The following GPD1L variants were observed in gnomAD, a reference collection of about 807,000 sequenced individuals.
The protein encoded by GPD1L is glycerol-3-phosphate dehydrogenase 1-like protein.
In GPD1L, 17 loss-of-function variants were observed where a neutral mutation model predicts 32.9. The observed-to-expected ratio is 0.52, with a 90% CI of 0.35 to 0.78. The LOEUF (loss-of-function observed/expected upper bound fraction) is 0.78, where lower values mean the gene tolerates loss of function less well. GPD1L is among the 30% of genes least tolerant of loss of function. The probability of loss-of-function intolerance (pLI) is 0.01; values close to 1 mark genes in which losing one functional copy is unlikely to be tolerated. For missense variants in GPD1L, 361 were observed against 447.8 expected (o/e 0.81, Z 1.75); for synonymous variants, 187 against 165.9 (o/e 1.13, Z -0.98).
rs558580448 is a variant in GPD1L, at chr3:32,134,778, G to A, written c.226-3809G>A. On this transcript the variant is annotated intron_variant, in intron 2 of 7. Transcript: ENST00000282541. ...TGTTGGGATTATGGCATGAGCCACT[G>A]AGCCTGGCTGGGGATGTATTTTAGC... Among the ~76,000 whole-genome samples, 22 of 152,314 alleles carry A rather than the reference G, an allele frequency of 1.4e-4. No homozygotes were observed. The South Asian group carries it at 4.3e-3, about 30-fold the overall frequency.
At chr3:32,140,566 A>G (rs574927410) in intron 4 of GPD1L, among the ~76,000 whole-genome samples, 200 bp downstream of exon 4, 1 of 152,252 alleles carries the variant, frequency 6.6e-6, no homozygotes, top group East Asian at 1.9e-4. Context: ...TCCAGAATGA[A>G]TATAAATGAA....
At chr3:32,137,678 TTGCCAGAGACCATG>T (rs1188414576) in intron 2 of GPD1L, among the ~76,000 whole-genome samples, 1 of 152,198 alleles carries the variant, frequency 6.6e-6, no homozygotes. Context: ...CAAGAAGCCT[TTGCCAGAGACCATG>T]TGCCCTGGAG....
Position 32,168,110 on chromosome 3 carries a change from C to T in GPD1L, c.*2200C>T, listed in dbSNP as rs1443935988. Reference sequence around the variant, plus strand: ...CAGCTTCTTACTCTGGGTTTGTACTCGAGTGTTATTTCTTTACAAATGCCC... The same window carrying T: ...CAGCTTCTTACTCTGGGTTTGTACTTGAGTGTTATTTCTTTACAAATGCCC... On this transcript the variant is annotated 3_prime_UTR_variant, in exon 8 of 8. Transcript: ENST00000282541. 6.6e-6 allele frequency: 1 copy of T among 152,158 alleles called. No homozygotes were observed. Among genetic ancestry groups the T allele is most frequent in the African/African-American group, 2.4e-5 (1 of 41,450 alleles). 9.4% of individuals were successfully genotyped at this position (152,158 alleles called of 1,614,324 possible). A position where few individuals can be genotyped will look rare whatever the true frequency, so the allele number is the denominator to read the frequency against.
rs116317482 is a variant in GPD1L, at chr3:32,135,879, C to T, written c.226-2708C>T. The stretch of plus-strand genomic sequence containing the variant: ...ATAAATCTTCACCACTTGTGGACTA[C>T]CTAGCCTAGATTACCAATCTGGAGA... On this transcript the variant is annotated intron_variant, in intron 2 of 7. Coordinates refer to ENST00000282541, the MANE Select transcript of GPD1L (RefSeq NM_015141.4). Among the ~76,000 whole-genome samples the T allele has an allele frequency of 1.0e-3, 158 of 152,240 alleles. 2 individuals carry two copies. The highest frequency in any genetic ancestry group is 6.8e-3 in the Middle Eastern group (2 of 294).
At chr3:32,145,841 CAGAGTAGACTG>C (rs1700812490) in intron 4 of GPD1L, among the ~76,000 whole-genome samples, 1 of 152,186 alleles carries the variant, frequency 6.6e-6, no homozygotes, top group Non-Finnish European at 1.5e-5. Context: ...AGTAATGCTA[CAGAGTAGACTG>C]TGTTTCTAAG....
Position 32,166,252 on chromosome 3 carries a change from G to T in GPD1L, c.*342G>T. On this transcript the variant is annotated 3_prime_UTR_variant, in exon 8 of 8. Transcript: ENST00000282541. The stretch of plus-strand genomic sequence containing the variant: ...GAACGATCTCAGCCAAATATTTTAG[G>T]TGTAATTCATATGTATTTGAGTGGA... The T allele has an allele frequency of 2.9e-6, 1 of 344,900 alleles. No homozygotes were observed. The highest frequency in any genetic ancestry group is 5.5e-6 in the Non-Finnish European group (1 of 181,924). 21.4% of individuals were successfully genotyped at this position (344,900 alleles called of 1,614,324 possible).
chr3:32,149,705 G>A (rs1254797200), intron 5 of GPD1L, among the ~76,000 whole-genome samples: 1 of 152,146 alleles, frequency 6.6e-6, no homozygotes, highest in African/African-American at 2.4e-5. Context: ...CCCAGCACTT[G>A]TGGAGGCCAA....
chr3:32,165,738 G>A (rs1701137424), intron 7 of GPD1L, 76 bp from the exon 8 acceptor site: 2 of 791,938 alleles, frequency 2.5e-6, no homozygotes, highest in Admixed American at 3.6e-5. Context: ...CAATCTGTTA[G>A]GACAGAAAAC....
At chr3:32,158,766 G>A (rs1701032287) in intron 5 of GPD1L, 110 bp from the exon 6 acceptor site, 1 of 1,542,722 alleles carries the variant, frequency 6.5e-7, no homozygotes, top group Non-Finnish European at 8.7e-7. Context: ...TTTTGAAGAT[G>A]GAGCCAATGT....
At chr3:32,147,756 C>T (rs10049223) in intron 5 of GPD1L, among the ~76,000 whole-genome samples, 81,087 of 152,120 alleles carry the variant, frequency 0.53, 24,911 homozygotes, top group East Asian at 0.89. Flanking sequence ...CCACCAGTCA[C>T]CTGTCTTTAT....
rs770682690 is a variant in GPD1L, at chr3:32,168,187, GA to G, written c.*2278del. 3.4e-3 allele frequency: 515 copies of G among 152,580 alleles called. No individual in the cohort carries two copies. Among genetic ancestry groups the G allele is most frequent in the Admixed American group, 8.1e-3 (124 of 15,298 alleles). 9.5% of individuals were successfully genotyped at this position (152,580 alleles called of 1,614,324 possible). Reference sequence around the variant, plus strand: ...GACTGTGTCTCTTGAACATACTTAGGATATTCTGCACATTATGGAAAAAGGT... The same window carrying G: ...GACTGTGTCTCTTGAACATACTTAGGTATTCTGCACATTATGGAAAAAGGT... On this transcript the variant is annotated 3_prime_UTR_variant, in exon 8 of 8. Transcript: ENST00000282541.
At chr3:32,144,761 C>T (rs1392354285) in intron 4 of GPD1L, among the ~76,000 whole-genome samples, 2 of 147,056 alleles carry the variant, frequency 1.4e-5, no homozygotes, top group Non-Finnish European at 2.9e-5. Flanking sequence ...TCTCGGCTCA[C>T]AGCAACCTCC....
At chr3:32,125,358 G>A (rs1700490351) in intron 1 of GPD1L, among the ~76,000 whole-genome samples, 1 of 152,228 alleles carries the variant, frequency 6.6e-6, no homozygotes, top group Non-Finnish European at 1.5e-5. Context: ...ATGAGTTATG[G>A]ATCAGCTGGT....
At chr3:32,165,521 C>T (rs1701134096) in intron 7 of GPD1L, among the ~76,000 whole-genome samples, 1 of 152,192 alleles carries the variant, frequency 6.6e-6, no homozygotes, top group African/African-American at 2.4e-5. Flanking sequence ...GTTGGAGCCA[C>T]AGCTCCTATG....
At chr3:32,142,540 ATTCTT>A (rs1457410046) in intron 4 of GPD1L, among the ~76,000 whole-genome samples, 5 of 152,162 alleles carry the variant, frequency 3.3e-5, no homozygotes, top group Non-Finnish European at 1.5e-5. Context: ...TTTACAGTAA[ATTCTT>A]TTATTTATCT....
intron 5 of GPD1L, among the ~76,000 whole-genome samples, 188 bp downstream of exon 5, chr3:32,146,922 G>A (rs568677622): frequency 1.3e-5 from 2 of 152,212 alleles, no homozygotes; most frequent in South Asian, 2.1e-4. Flanking sequence ...TCTCTTACTC[G>A]TGGCTTGCTT....
rs149167213 is a variant in GPD1L at position 32,138,706 on chromosome 3, G to A, written c.345G>A (p.Ala115=). 5.5e-5 allele frequency: 89 copies of A among 1,613,976 alleles called. No homozygotes were observed. The highest frequency in any genetic ancestry group is 1.5e-4 in the African/African-American group (11 of 74,916). ...DEITGRVPKK[A]LGITLIKGID... ...TCACTGGGAGAGTGCCCAAGAAAGC[G>A]CTGGGAATCACCCTCATCAAGGTAA... Residue 115 remains alanine (A), a synonymous_variant, in exon 3 of 8, where the codon GCG becomes GCA. Coordinates refer to ENST00000282541, the MANE Select transcript of GPD1L (RefSeq NM_015141.4).
Position 32,127,948 on chromosome 3 carries a change from G to A in GPD1L, c.48-128G>A, listed in dbSNP as rs3749277. 0.026 allele frequency: 19,124 copies of A among 735,392 alleles called. 1,064 individuals are homozygous for A. The highest frequency in any genetic ancestry group is 0.14 in the African/African-American group (8,231 of 57,324). 45.6% of individuals were successfully genotyped at this position (735,392 alleles called of 1,614,324 possible). ...TTCAAATGGCTTGGGGCTGATACACGTCACATCTTGAGTAGGCTCAGTGTT... is the reference window on the plus strand; with the variant it reads ...TTCAAATGGCTTGGGGCTGATACACATCACATCTTGAGTAGGCTCAGTGTT... On this transcript the variant is annotated intron_variant, in intron 1 of 7. Transcript: ENST00000282541.
intron 1 of GPD1L, among the ~76,000 whole-genome samples, chr3:32,109,704 T>G (rs1317981598): frequency 6.6e-6 from 1 of 152,188 alleles, no homozygotes. Context: ...AGAGGAGTGT[T>G]CAGCTCTAGT....
Sources: allele counts gnomAD v4.1 joint callset (sites outside exome capture counted in the v4.1 genomes callset), GRCh38; gene constraint gnomAD v4.1.1; transcripts MANE v1.5; gene names NCBI Gene and HGNC (gene_info 2026-07-23, HGNC 2026-07-21).